MALRD1: variants seen among roughly 807,000 people sequenced by gnomAD.
The protein encoded by MALRD1 is MAM and LDL receptor class A domain containing 1, also known as MAM and LDL-receptor class A domain-containing protein 1.
In MALRD1, 247 loss-of-function variants were observed where a neutral mutation model predicts 242.1. The observed-to-expected ratio is 1.02, with a 90% CI of 0.92 to 1.13. The LOEUF (loss-of-function observed/expected upper bound fraction) is 1.13, where lower values mean the gene tolerates loss of function less well. Among genes scored for constraint, MALRD1 ranks in the 50% most tolerant of loss-of-function variants. The pLI is 0.00. For missense variants in MALRD1, 2,989 were observed against 2,533.1 expected (o/e 1.18, Z -3.86); for synonymous variants, 995 against 866.6 (o/e 1.15, Z -2.60).
At chr10:19,627,042 A>T (rs1284417813) in intron 36 of MALRD1, among the ~76,000 whole-genome samples, 1 of 152,168 alleles carries the variant, frequency 6.6e-6, no homozygotes, top group African/African-American at 2.4e-5. Flanking sequence ...GTCTACAAAT[A>T]GCTTAACGTG....
intron 31 of MALRD1, among the ~76,000 whole-genome samples, chr10:19,524,262 G>T (rs1428310215): frequency 6.6e-6 from 1 of 152,106 alleles, no homozygotes; most frequent in Non-Finnish European, 1.5e-5. Flanking sequence ...GATCACCTGA[G>T]GTCAGGAGTT....
chr10:19,720,263 G>T (rs191089338), intron 38 of MALRD1, among the ~76,000 whole-genome samples: 128 of 152,182 alleles, frequency 8.4e-4, no homozygotes, highest in African/African-American at 2.6e-3. Flanking sequence ...CACTTTCTGG[G>T]TACCTTTTAC....
At chr10:19,490,411 TGCACAAGCGAGTACAG>T (rs1837430578) in intron 29 of MALRD1, among the ~76,000 whole-genome samples, 1 of 149,614 alleles carries the variant, frequency 6.7e-6, no homozygotes, top group African/African-American at 2.5e-5. Flanking sequence ...CAATGTTTTC[TGCACAAGCGAGTACAG>T]GCATACCTCT....
At chr10:19,577,152 G>T (rs750608256) in intron 33 of MALRD1, among the ~76,000 whole-genome samples, 21 of 151,878 alleles carry the variant, frequency 1.4e-4, no homozygotes, top group Non-Finnish European at 2.1e-4. Flanking sequence ...TATGATTTTG[G>T]TTCAGTTAGT....
rs1589415937 is a variant in MALRD1 at position 19,698,380 on chromosome 10, CAA to C, written c.6314+5828_6314+5829del. Among the ~76,000 whole-genome samples the C allele has an allele frequency of 2.0e-5, 3 of 152,208 alleles. No individual in the cohort carries two copies. The East Asian group carries it at 5.8e-4, about 29-fold the overall frequency. ...AAGTAACACATGTTCTTTGAACTGC[CAA>C]AGACTACTAATAATTGGGGTCAGGC... On this transcript the variant is annotated intron_variant, in intron 38 of 39. Coordinates refer to ENST00000454679, the MANE Select transcript of MALRD1 (RefSeq NM_001142308.3).
rs529485471 is a variant in MALRD1 at position 19,389,340 on chromosome 10, T to C, written c.4688-112T>C. On this transcript the variant is annotated intron_variant, in intron 27 of 39. Coordinates refer to ENST00000454679, the MANE Select transcript of MALRD1 (RefSeq NM_001142308.3). ...TTTCTGTTCCAAATGAAAATACTTT[T>C]GGCAGCTCAGATCATACGAATTGTA... is the stretch of plus-strand genomic sequence containing the variant. 141 of 1,145,908 alleles carry C rather than the reference T, an allele frequency of 1.2e-4. No individual in the cohort carries two copies. The South Asian group carries it at 1.7e-3, about 14-fold the overall frequency. 71.0% of individuals were successfully genotyped at this position (1,145,908 alleles called of 1,614,324 possible).
At chr10:19,169,737 C>T (rs1480707534) in intron 13 of MALRD1, among the ~76,000 whole-genome samples, 1 of 152,146 alleles carries the variant, frequency 6.6e-6, no homozygotes, top group East Asian at 1.9e-4. Flanking sequence ...GATATTCTAC[C>T]TACAAATAGT....
At position 19,095,958 on chromosome 10, in the gene MALRD1, G is replaced by T. The variant is rs532035958; in HGVS notation, c.597+7773G>T. 9.9e-5 allele frequency among the ~76,000 whole-genome samples: 15 copies of T among 152,238 alleles called. No individual in the cohort carries two copies. In the South Asian group the frequency reaches 3.1e-3, roughly 32 times the overall value. On this transcript the variant is annotated intron_variant, in intron 4 of 39. Transcript: ENST00000454679. ...CTTGCAGATATTTAATAAGTGAGAT[G>T]AGAATCTTATCTATGGGTCCACTCC...
At chr10:19,652,124 C>A (rs944581901) in intron 36 of MALRD1, among the ~76,000 whole-genome samples, 6 of 152,168 alleles carry the variant, frequency 3.9e-5, no homozygotes, top group Non-Finnish European at 8.8e-5. Context: ...AATTCAAAGT[C>A]CAGGATGAGA....
intron 34 of MALRD1, among the ~76,000 whole-genome samples, chr10:19,603,427 C>G (rs1465082002): frequency 1.3e-5 from 2 of 152,056 alleles, no homozygotes; most frequent in Non-Finnish European, 2.9e-5. Flanking sequence ...GCCAGTTTTC[C>G]CAGCACCATT....
chr10:19,260,393 A>C (rs1486389001), intron 19 of MALRD1, among the ~76,000 whole-genome samples: 1 of 152,178 alleles, frequency 6.6e-6, no homozygotes, highest in Non-Finnish European at 1.5e-5. Flanking sequence ...ACCATGGCTA[A>C]AAGACCAAGT....
At chr10:19,226,865 A>G (rs1399778727) in intron 18 of MALRD1, among the ~76,000 whole-genome samples, 3 of 152,216 alleles carry the variant, frequency 2.0e-5, no homozygotes, top group Admixed American at 1.3e-4. Context: ...TTGTGTTTCT[A>G]TACACAATCA....
intron 28 of MALRD1, among the ~76,000 whole-genome samples, chr10:19,444,854 C>T (rs1248121370): frequency 6.6e-6 from 1 of 152,140 alleles, no homozygotes; most frequent in South Asian, 2.1e-4. Context: ...GAATGTTGGC[C>T]TGCCTTGCTA....
At chr10:19,666,598 A>G (rs533151184) in intron 36 of MALRD1, among the ~76,000 whole-genome samples, 3 of 152,244 alleles carry the variant, frequency 2.0e-5, no homozygotes, top group Admixed American at 2.0e-4. Context: ...TCTTGGGAAT[A>G]TTGCCAATTT....
intron 28 of MALRD1, among the ~76,000 whole-genome samples, chr10:19,428,513 A>C (rs1188801116): frequency 1.3e-5 from 2 of 152,044 alleles, no homozygotes; most frequent in African/African-American, 4.8e-5. Flanking sequence ...CTTTTCCTTC[A>C]TAAACACCAC....
At chr10:19,592,166 G>T (rs2131549397) in intron 33 of MALRD1, among the ~76,000 whole-genome samples, 1 of 152,314 alleles carries the variant, frequency 6.6e-6, no homozygotes, top group East Asian at 1.9e-4. Flanking sequence ...TCCCTGGGAA[G>T]CTGACTTTAA....
At chr10:19,709,653 C>A (rs1390680006) in intron 38 of MALRD1, among the ~76,000 whole-genome samples, 1 of 152,114 alleles carries the variant, frequency 6.6e-6, no homozygotes, top group East Asian at 1.9e-4. Context: ...TGTAACTTGG[C>A]ATTAAATCTT....
intron 31 of MALRD1, among the ~76,000 whole-genome samples, chr10:19,507,394 T>C (rs1564399589): frequency 6.6e-6 from 1 of 152,180 alleles, no homozygotes; most frequent in East Asian, 1.9e-4. Context: ...TCCCACAAAG[T>C]ATGAACGTGA....
chr10:19,680,233 T>A (rs968041029), intron 36 of MALRD1, among the ~76,000 whole-genome samples: 13 of 152,130 alleles, frequency 8.5e-5, no homozygotes, highest in Non-Finnish European at 1.9e-4. Context: ...ATATTGACAG[T>A]TGGGTGTTAA....
Sources: allele counts gnomAD v4.1 joint callset (sites outside exome capture counted in the v4.1 genomes callset), GRCh38; gene constraint gnomAD v4.1.1; transcripts MANE v1.5; gene names NCBI Gene and HGNC (gene_info 2026-07-23, HGNC 2026-07-21).